RBMS3: variants seen among roughly 807,000 people sequenced by gnomAD.
RBMS3 encodes the protein RNA binding motif single stranded interacting protein 3, also known as RNA-binding motif, single-stranded-interacting protein 3.
Under a neutral mutation model 66.8 loss-of-function variants are expected in RBMS3, and 27 were observed. The observed-to-expected ratio is 0.40, with a 90% CI of 0.30 to 0.56. RBMS3 has a LOEUF of 0.56. RBMS3 is among the 20% of genes least tolerant of loss of function. RBMS3 has a pLI of 0.40. For missense variants in RBMS3, 513 were observed against 549.5 expected, an observed-to-expected ratio of 0.93 and a Z score of 0.66; for synonymous variants, 188 against 183.0, an observed-to-expected ratio of 1.03 and a Z score of -0.22.
chr3:29,606,754 A>G (rs1158084214), intron 4 of RBMS3, among the ~76,000 whole-genome samples: 1 of 151,968 alleles, frequency 6.6e-6, no homozygotes, highest in Non-Finnish European at 1.5e-5. Flanking sequence ...TTGTTTATTC[A>G]TTCTTTTATC....
At chr3:29,691,867 C>T (rs1014208453) in intron 4 of RBMS3, among the ~76,000 whole-genome samples, 2 of 150,762 alleles carry the variant, frequency 1.3e-5, no homozygotes, top group African/African-American at 4.9e-5. Context: ...ATGTGCATAG[C>T]TTTCAAATCT....
At chr3:29,736,668 C>T (rs1866772) in intron 4 of RBMS3, among the ~76,000 whole-genome samples, 87,184 of 151,940 alleles carry the variant, frequency 0.57, 25,721 homozygotes, top group African/African-American at 0.72. Context: ...CTCTGGGGCA[C>T]GTATTTCTTG....
intron 1 of RBMS3, among the ~76,000 whole-genome samples, chr3:29,406,329 G>T (rs2040015420): frequency 6.6e-6 from 1 of 152,160 alleles, no homozygotes; most frequent in South Asian, 2.1e-4. Flanking sequence ...ACGGTGGGAT[G>T]ATATTTTTAG....
At chr3:29,794,718 T>G (rs1246246785) in intron 6 of RBMS3, among the ~76,000 whole-genome samples, 1 of 152,194 alleles carries the variant, frequency 6.6e-6, no homozygotes, top group Non-Finnish European at 1.5e-5. Context: ...TATGAAGCAC[T>G]ACTCGTCTCT....
At chr3:29,408,133 G>A (rs1423946848) in intron 1 of RBMS3, among the ~76,000 whole-genome samples, 6 of 151,042 alleles carry the variant, frequency 4.0e-5, no homozygotes, top group South Asian at 2.1e-4. Context: ...TTAGCTGGGT[G>A]TGGTGGCGGG....
At chr3:29,329,765 T>TAC (rs2035542350) in intron 1 of RBMS3, among the ~76,000 whole-genome samples, 1 of 150,580 alleles carries the variant, frequency 6.6e-6, no homozygotes, top group Non-Finnish European at 1.5e-5. Flanking sequence ...GGAATTTTTG[T>TAC]TCCTGACATG....
At chr3:29,288,770 C>T (rs1014883398) in intron 1 of RBMS3, among the ~76,000 whole-genome samples, 5 of 151,784 alleles carry the variant, frequency 3.3e-5, no homozygotes, top group African/African-American at 1.2e-4. Context: ...CCTACAAATC[C>T]GCAAAACCTA....
At chr3:29,429,049 G>A (rs2041079173) in intron 1 of RBMS3, among the ~76,000 whole-genome samples, 4 of 152,068 alleles carry the variant, frequency 2.6e-5, no homozygotes, top group Admixed American at 1.3e-4. Context: ...ATGTTTATTG[G>A]TGTCCATATA....
At chr3:29,659,076 C>G (rs906126122) in intron 4 of RBMS3, among the ~76,000 whole-genome samples, 1 of 152,170 alleles carries the variant, frequency 6.6e-6, no homozygotes, top group Admixed American at 6.5e-5. Flanking sequence ...CTCAGCCTCC[C>G]GAAGTGCTGG....
At chr3:29,930,254 G>A (rs985051948) in intron 10 of RBMS3, among the ~76,000 whole-genome samples, 1 of 151,022 alleles carries the variant, frequency 6.6e-6, no homozygotes, top group African/African-American at 2.4e-5. Context: ...TGGGACTACA[G>A]GCGCCTACCA....
At chr3:29,976,671 T>G (rs1485362215) in intron 12 of RBMS3, among the ~76,000 whole-genome samples, 1 of 152,104 alleles carries the variant, frequency 6.6e-6, no homozygotes, top group Non-Finnish European at 1.5e-5. Context: ...TCTCATCCCT[T>G]GAGTGACATG....
chr3:29,737,184 C>T (rs909811510), intron 4 of RBMS3, among the ~76,000 whole-genome samples: 16 of 152,118 alleles, frequency 1.1e-4, no homozygotes, highest in African/African-American at 3.9e-4. Context: ...ACCATGTTAG[C>T]CAGGGTGGTC....
intron 2 of RBMS3, among the ~76,000 whole-genome samples, chr3:29,478,268 T>A (rs77482832): frequency 0.042 from 6,399 of 152,268 alleles, 173 homozygotes; most frequent in Admixed American, 0.097. Flanking sequence ...GCTTATATAA[T>A]ATAAAAATTT....
intron 2 of RBMS3, among the ~76,000 whole-genome samples, chr3:29,475,251 CTTT>C (rs35099344): frequency 2.8e-5 from 4 of 140,844 alleles, no homozygotes; most frequent in Non-Finnish European, 1.6e-5. Flanking sequence ...CTTTTCTTTT[CTTT>C]TTTTTTTTTT....
chr3:29,880,759 G>A (rs747645865), intron 7 of RBMS3: 17 of 1,534,074 alleles, frequency 1.1e-5, no homozygotes, highest in Middle Eastern at 1.7e-4. Flanking sequence ...ACTATCTCTT[G>A]TTGTCTCCTC....
At chr3:29,914,022 T>C (rs532626699) in intron 10 of RBMS3, among the ~76,000 whole-genome samples, 64 of 152,124 alleles carry the variant, frequency 4.2e-4, no homozygotes, top group African/African-American at 1.5e-3. Flanking sequence ...TACACATTAC[T>C]GTCCATATAT....
intron 6 of RBMS3, among the ~76,000 whole-genome samples, chr3:29,832,627 C>T (rs1207929856): frequency 6.6e-6 from 1 of 152,172 alleles, no homozygotes; most frequent in Non-Finnish European, 1.5e-5. Flanking sequence ...GTGTCCAGTT[C>T]CCCTAGCTGT....
intron 6 of RBMS3, among the ~76,000 whole-genome samples, chr3:29,771,072 TAA>T (rs1317709111): frequency 6.6e-6 from 1 of 152,016 alleles, no homozygotes; most frequent in East Asian, 1.9e-4. Context: ...GAAAATATTT[TAA>T]GAGAAATGTG....
chr3:29,636,784 CGGTTTTCCAAATA>C (rs1209499388), intron 4 of RBMS3, among the ~76,000 whole-genome samples: 1 of 151,786 alleles, frequency 6.6e-6, no homozygotes, highest in African/African-American at 2.4e-5. Flanking sequence ...TCATGGGAGG[CGGTTTTCCAAATA>C]GGTATATGGT....
Sources: gnomAD v4.1 joint callset for allele counts (sites outside exome capture counted in the v4.1 genomes callset) on GRCh38, gnomAD v4.1.1 for gene constraint, MANE v1.5 for transcripts, NCBI Gene and HGNC (gene_info 2026-07-23, HGNC 2026-07-21) for gene names.